The following PKLR variants were observed in gnomAD, a reference collection of about 807,000 sequenced individuals.
The protein encoded by PKLR is pyruvate kinase PKLR.
A neutral mutation model predicts 53.6 loss-of-function variants in PKLR; 38 were observed. The observed-to-expected ratio is 0.71, with a 90% CI of 0.55 to 0.93. PKLR has a LOEUF of 0.93. Ranked by LOEUF, PKLR falls within the 40% of genes least tolerant of loss-of-function variation. PKLR has a pLI of 0.00. For synonymous variants in PKLR, 328 were observed against 316.2 expected (o/e 1.04, Z -0.39); for missense variants, 702 against 787.3 (o/e 0.89, Z 1.30).
rs1557959063 is a variant in PKLR, at chr1:155,294,504, C to T, written c.943G>A (p.Glu315Lys). The T allele has an allele frequency of 1.9e-6, 3 of 1,614,248 alleles. No individual in the cohort carries two copies. The South Asian group carries it at 3.3e-5, about 18-fold the overall frequency. ...GHGIKIISKIENHEGVKRFDE... is the reference protein window; with the variant it reads ...GHGIKIISKIKNHEGVKRFDE... ...CACCTCTTCACGCCTTCGTGGTTCT[C>T]AATTTTGCTGATGATCTTGATGCCG... The change falls in exon 6 of 11, where the codon GAG becomes AAG. Residue 315 changes from glutamate to lysine, a missense_variant. Physicochemically the swap from Glu to Lys is moderately conservative, Grantham distance 56. This residue lies in a region of PKLR where 519 missense variants were observed against 537.1 expected (regional missense o/e 0.97). Coordinates refer to ENST00000342741, the MANE Select transcript of PKLR (RefSeq NM_000298.6).
intron 1 of PKLR, among the ~76,000 whole-genome samples, chr1:155,300,550 T>C (rs1206046561): frequency 6.6e-6 from 1 of 152,094 alleles, no homozygotes; most frequent in Non-Finnish European, 1.5e-5. Context: ...AGGATTCAAA[T>C]CTAGGTCTGA....
chr1:155,292,189 A>C (rs1322031713), intron 9 of PKLR, among the ~76,000 whole-genome samples: 1 of 151,328 alleles, frequency 6.6e-6, no homozygotes, highest in East Asian at 2.0e-4. Context: ...GTTTGAGCCC[A>C]GGAGCTGGAG....
chr1:155,293,763 C>T lies in PKLR; in HGVS notation c.1117-173G>A, dbSNP rs935462561. Among the ~76,000 whole-genome samples, 1 of 152,124 alleles carries T rather than the reference C, an allele frequency of 6.6e-6. No individual in the cohort carries two copies. The highest frequency in any genetic ancestry group is 2.4e-5 in the African/African-American group (1 of 41,420). ...TTTAACTTTGTCGTTTGGTCACAAC[C>T]CCTGAAAATAGGGGTCAAAGTATAT... On this transcript the variant is annotated intron_variant, in intron 7 of 10. Transcript: ENST00000342741. This position sits in a 1 kb window ranked among gnomAD's most constrained non-coding sequence, Gnocchi z 4.2.
At position 155,300,261 on chromosome 1, in the gene PKLR, C is replaced by G. The variant is rs1481967036; in HGVS notation, c.120G>C (p.Arg40=). 1 of 1,599,248 alleles carries G rather than the reference C, an allele frequency of 6.3e-7. No homozygotes were observed. The highest frequency in any genetic ancestry group is 1.3e-5 in the African/African-American group (1 of 74,538). Residue 40 remains arginine, a synonymous_variant, in exon 2 of 11, where the codon CGG becomes CGC. Coordinates refer to ENST00000342741, the MANE Select transcript of PKLR (RefSeq NM_000298.6). ...GAPGGPAGYL[R]RASVAQLTQE... ...GGGTCAGTTGGGCCACACTGGCCCGCCGCAGATACCCCGCTGGCCCTGTGG... is the reference window on the plus strand; with the variant it reads ...GGGTCAGTTGGGCCACACTGGCCCGGCGCAGATACCCCGCTGGCCCTGTGG...
At chr1:155,305,169 G>C (rs12032720), upstream of PKLR, among the ~76,000 whole-genome samples, 48,818 of 152,082 alleles carry the variant, frequency 0.32, 8,499 homozygotes, top group East Asian at 0.7. Context: ...ATCCGTTGTG[G>C]TTTACCAACA....
chr1:155,301,799 G>T (rs147441861), upstream of PKLR, among the ~76,000 whole-genome samples: 1 of 152,258 alleles, frequency 6.6e-6, no homozygotes, highest in Non-Finnish European at 1.5e-5. Context: ...GGGTTACCCA[G>T]TTCTGACCAC....
the PKLR span, chr1:155,308,654 C>T: frequency 4.1e-6 from 4 of 985,324 alleles, no homozygotes; most frequent in Admixed American, 1.2e-4. Context: ...CCGGCACTGA[C>T]GCCTCCAGCC....
chr1:155,306,988 C>T, the PKLR span, among the ~76,000 whole-genome samples: 2 of 152,154 alleles, frequency 1.3e-5, no homozygotes, highest in Non-Finnish European at 2.9e-5. This position sits in a 1 kb window ranked among gnomAD's most constrained non-coding sequence, Gnocchi z 4.2. Context: ...GATCTCGGTT[C>T]ACCACAACCT....
chr1:155,307,005 C>T, the PKLR span, among the ~76,000 whole-genome samples: 1 of 152,164 alleles, frequency 6.6e-6, no homozygotes, highest in Non-Finnish European at 1.5e-5. Flanking sequence ...ACCTCTGCCT[C>T]CCGGGTTCAA....
the PKLR span, among the ~76,000 whole-genome samples, chr1:155,307,398 G>A: frequency 1.3e-5 from 2 of 152,222 alleles, no homozygotes; most frequent in African/African-American, 2.4e-5. Context: ...GGTAGAATAA[G>A]GCTGAGACCT....
Position 155,299,025 on chromosome 1 carries a change from T to TCTTA in PKLR, c.283+1072_283+1073insTAAG, listed in dbSNP as rs1647808681. ...TTCTTTCTTTCTTTCTTTCTTTCTT[T>TCTTA]CTTTCTTTCTCTTTCTTTCTTTCTT... On this transcript the variant is annotated intron_variant, in intron 2 of 10. Coordinates refer to ENST00000342741, the MANE Select transcript of PKLR (RefSeq NM_000298.6). Among the ~76,000 whole-genome samples, 3 of 67,764 alleles carry TCTTA rather than the reference T, an allele frequency of 4.4e-5. 1 individual carries two copies. The highest frequency in any genetic ancestry group is 3.1e-4 in the African/African-American group (3 of 9,710). 44.5% of individuals were successfully genotyped at this position (67,764 alleles called of 152,430 possible).
chr1:155,298,968 TTC>T (rs1210793483), intron 2 of PKLR, among the ~76,000 whole-genome samples: 1 of 69,748 alleles, frequency 1.4e-5, no homozygotes, highest in Admixed American at 1.4e-4. Flanking sequence ...CTTTCTTTCT[TTC>T]TTTCTTTCTT....
Position 155,295,890 on chromosome 1 carries a change from C to G in PKLR, c.284-134G>C. On this transcript the variant is annotated intron_variant, in intron 2 of 10. Transcript: ENST00000342741. This position sits in a 1 kb window ranked among gnomAD's most constrained non-coding sequence, Gnocchi z 4.3. ...CCTGATCTTTATTCCCTGATGCAAC[C>G]CCTGCCCACAGATCACAGACTCCCC... is the stretch of plus-strand genomic sequence containing the variant. 1.3e-6 allele frequency: 1 copy of G among 752,422 alleles called. No homozygotes were observed. The highest frequency in any genetic ancestry group is 2.0e-5 in the Admixed American group (1 of 50,274). The allele number at this position is 752,422 out of a possible 1,614,324, so 46.6% of individuals were successfully genotyped here. A position where few individuals can be genotyped will look rare whatever the true frequency, so the allele number is the denominator to read the frequency against.
chr1:155,297,085 C>G (rs1647641616), intron 2 of PKLR, among the ~76,000 whole-genome samples: 1 of 152,136 alleles, frequency 6.6e-6, no homozygotes, highest in Non-Finnish European at 1.5e-5. Flanking sequence ...CCTTGTTCCT[C>G]CCCTTAACGT....
At chr1:155,298,671 C>T (rs965597219) in intron 2 of PKLR, among the ~76,000 whole-genome samples, 2 of 150,322 alleles carry the variant, frequency 1.3e-5, no homozygotes, top group African/African-American at 2.5e-5. Context: ...AACAGAGTTT[C>T]GCTCTTGTTG....
chr1:155,297,371 T>C (rs1647656119), intron 2 of PKLR, among the ~76,000 whole-genome samples: 3 of 151,676 alleles, frequency 2.0e-5, no homozygotes, highest in Non-Finnish European at 4.4e-5. Flanking sequence ...TAATGCATCG[T>C]TCCAGTTCCT....
chr1:155,303,004 G>A (rs1648114180), upstream of PKLR, among the ~76,000 whole-genome samples: 1 of 152,200 alleles, frequency 6.6e-6, no homozygotes, highest in Non-Finnish European at 1.5e-5. Context: ...AGGATTACAA[G>A]TGTGAGCCAT....
upstream of PKLR, among the ~76,000 whole-genome samples, chr1:155,304,566 T>G (rs1648180507): frequency 6.6e-6 from 1 of 151,342 alleles, no homozygotes; most frequent in Non-Finnish European, 1.5e-5. Flanking sequence ...GGGGACGGCT[T>G]GGAGATGCAT....
At position 155,294,567 on chromosome 1, in the gene PKLR, C is replaced by G. The variant is rs760709075; in HGVS notation, c.880G>C (p.Val294Leu). The G allele has an allele frequency of 6.2e-7, 1 of 1,614,112 alleles. No individual in the cohort carries two copies. Among genetic ancestry groups the G allele is most frequent in the Non-Finnish European group, 8.5e-7 (1 of 1,180,050 alleles). ...FASFVRKASD[V>L]AAVRAALGPE... ...CCCAGAGCAGCCCTGACGGCAGCCACGTCGCTGGCTTTCCGCACAAAGGAG... is the reference window on the plus strand; with the variant it reads ...CCCAGAGCAGCCCTGACGGCAGCCAGGTCGCTGGCTTTCCGCACAAAGGAG... Residue 294 changes from valine (V) to leucine (L), a missense_variant, in exon 6 of 11, where the codon GTG becomes CTG. This residue lies in a region of PKLR where 519 missense variants were observed against 537.1 expected (regional missense o/e 0.97). Coordinates refer to ENST00000342741, the MANE Select transcript of PKLR (RefSeq NM_000298.6).
Sources: allele counts gnomAD v4.1 joint callset (sites outside exome capture counted in the v4.1 genomes callset), GRCh38; gene constraint gnomAD v4.1.1; regional missense constraint gnomAD v4.1.1; non-coding constraint Gnocchi (gnomAD v3.1); transcripts MANE v1.5; gene names NCBI Gene and HGNC (gene_info 2026-07-23, HGNC 2026-07-21).